ADGB: variants seen among roughly 807,000 people sequenced by gnomAD.
ADGB encodes the protein androglobin.
In ADGB, 172 loss-of-function variants were observed where a neutral mutation model predicts 210.5. The ratio of observed to expected loss-of-function variants is 0.82; its 90% confidence interval spans 0.72 to 0.93. The LOEUF (loss-of-function observed/expected upper bound fraction) is 0.93, where lower values mean the gene tolerates loss of function less well. ADGB is among the 40% of genes least tolerant of loss of function. The pLI is 0.00. For missense variants in ADGB, 2,025 were observed against 1,964.8 expected (o/e 1.03, Z -0.58); for synonymous variants, 658 against 662.7 (o/e 0.99, Z 0.11).
At chr6:146,756,422 T>C (rs1395337186) in intron 27 of ADGB, among the ~76,000 whole-genome samples, 2 of 152,122 alleles carry the variant, frequency 1.3e-5, no homozygotes, top group Non-Finnish European at 2.9e-5. Context: ...GGAGTACAGT[T>C]CAGGCTGTGA....
intron 29 of ADGB, among the ~76,000 whole-genome samples, chr6:146,774,112 T>C (rs1289563911): frequency 1.3e-5 from 2 of 152,190 alleles, no homozygotes; most frequent in African/African-American, 2.4e-5. Context: ...GAGAGATGTC[T>C]TTATCTATAT....
chr6:146,725,913 G>C lies in ADGB; in HGVS notation c.2238-170G>C, dbSNP rs1409734266. The C allele has an allele frequency of 8.4e-6, 4 of 478,104 alleles. No individual in the cohort carries two copies. In the South Asian group the frequency reaches 1.3e-4, roughly 15 times the overall value. The allele number at this position is 478,104 out of a possible 1,614,324, so 29.6% of individuals were successfully genotyped here. The stretch of plus-strand genomic sequence containing the variant: ...AAGCGTAGATTTCATGATCCCGTAG[G>C]GTTCTTATAGAGTGCAAATTCAAAG... On this transcript the variant is annotated intron_variant, in intron 18 of 35. Coordinates refer to ENST00000397944, the MANE Select transcript of ADGB (RefSeq NM_024694.4).
At chr6:146,785,746 G>A (rs1215384128) in intron 32 of ADGB, 34 bp downstream of exon 32, 2 of 1,450,116 alleles carry the variant, frequency 1.4e-6, no homozygotes, top group East Asian at 2.5e-5. Flanking sequence ...CTGCCTCAGA[G>A]CACAGAGCTG....
At chr6:146,662,355 T>G (rs940041527) in intron 5 of ADGB, among the ~76,000 whole-genome samples, 1 of 152,276 alleles carries the variant, frequency 6.6e-6, no homozygotes, top group South Asian at 2.1e-4. Context: ...ATTCGTAATT[T>G]CTATTGATCT....
At chr6:146,807,510 G>T in intron 35 of ADGB, 1 of 1,551,536 alleles carries the variant, frequency 6.4e-7, no homozygotes, top group Non-Finnish European at 8.7e-7. Context: ...TGCTCAGGAA[G>T]CCGCCATGAA....
At chr6:146,747,614 C>T (rs1158967079) in intron 26 of ADGB, among the ~76,000 whole-genome samples, 1 of 152,058 alleles carries the variant, frequency 6.6e-6, no homozygotes, top group Non-Finnish European at 1.5e-5. Context: ...CAAAAGCTTT[C>T]TGAGAAGAGC....
chr6:146,693,274 C>T (rs1221264092), intron 12 of ADGB, among the ~76,000 whole-genome samples: 3 of 152,078 alleles, frequency 2.0e-5, no homozygotes, highest in Non-Finnish European at 4.4e-5. Context: ...GGGTACTGAT[C>T]TGAGAGGATT....
chr6:146,640,893 G>A (rs925588454), intron 2 of ADGB, among the ~76,000 whole-genome samples: 6 of 151,914 alleles, frequency 3.9e-5, no homozygotes, highest in African/African-American at 1.4e-4. Context: ...ATTTAACATA[G>A]TATTGGAAGT....
At chr6:146,703,871 T>C (rs2114548150) in intron 13 of ADGB, among the ~76,000 whole-genome samples, 1 of 152,060 alleles carries the variant, frequency 6.6e-6, no homozygotes, top group Admixed American at 6.6e-5. Context: ...TTTTTAGTTT[T>C]TTTTTTTCAA....
At chr6:146,655,936 T>C (rs377329222) in intron 4 of ADGB, among the ~76,000 whole-genome samples, 4 of 152,256 alleles carry the variant, frequency 2.6e-5, no homozygotes, top group African/African-American at 9.6e-5. Flanking sequence ...AAACATGAGA[T>C]GAATAATTCA....
At chr6:146,787,119 G>C (rs896865502) in intron 32 of ADGB, among the ~76,000 whole-genome samples, 29 of 152,270 alleles carry the variant, frequency 1.9e-4, no homozygotes, top group African/African-American at 7.0e-4. Flanking sequence ...TAAAACTGGG[G>C]TCAGCAGGCC....
At chr6:146,764,719 G>T (rs921044750) in intron 28 of ADGB, among the ~76,000 whole-genome samples, 1 of 152,194 alleles carries the variant, frequency 6.6e-6, no homozygotes, top group Non-Finnish European at 1.5e-5. Context: ...ACAAACTGCT[G>T]TAGAAAGTTT....
intron 5 of ADGB, among the ~76,000 whole-genome samples, chr6:146,659,705 G>C (rs1775829635): frequency 6.6e-6 from 1 of 152,156 alleles, no homozygotes; most frequent in Admixed American, 6.5e-5. Context: ...ATTAAGAACA[G>C]GGTTGTGACA....
In ADGB at chr6:146,635,496, G is replaced by T. The variant is rs1206499239; in HGVS notation, c.196G>T (p.Gly66Cys). Reference protein sequence around the residue: ...INSEKWDAGKGAKEKDKTGKS... With the variant: ...INSEKWDAGKCAKEKDKTGKS... ...TTCAGAAAAGTGGGATGCAGGCAAA[G>T]GTGCAAAAGAAAAGGACAAAACAGG... is the stretch of plus-strand genomic sequence containing the variant. Residue 66 changes from glycine to cysteine, a missense_variant, in exon 2 of 36, where the codon GGT (glycine) becomes TGT (cysteine). Physicochemically the swap from Gly to Cys is radical, Grantham distance 159. Coordinates refer to ENST00000397944, the MANE Select transcript of ADGB (RefSeq NM_024694.4). The T allele has an allele frequency of 2.6e-6, 4 of 1,547,958 alleles. No individual in the cohort carries two copies. Among genetic ancestry groups the T allele is most frequent in the South Asian group, 2.4e-5 (2 of 83,586 alleles).
In ADGB at chr6:146,758,457, T is replaced by C. The variant is rs190274987; in HGVS notation, c.3551-5444T>C. ...AAATTCTTGCAGGTAACACTGTTTATAGTTTGTCATCTAGTTTAATCATTA... is the reference window on the plus strand; with the variant it reads ...AAATTCTTGCAGGTAACACTGTTTACAGTTTGTCATCTAGTTTAATCATTA... On this transcript the variant is annotated intron_variant, in intron 27 of 35. Coordinates refer to ENST00000397944, the MANE Select transcript of ADGB (RefSeq NM_024694.4). Among the ~76,000 whole-genome samples, 3 of 152,196 alleles carry C rather than the reference T, an allele frequency of 2.0e-5. No homozygotes were observed. The East Asian group carries it at 5.8e-4, about 29-fold the overall frequency.
At chr6:146,703,650 G>A (rs1776526041) in intron 13 of ADGB, among the ~76,000 whole-genome samples, 2 of 151,764 alleles carry the variant, frequency 1.3e-5, no homozygotes, top group Admixed American at 1.3e-4. Flanking sequence ...CTTTTTAAAG[G>A]CTGAATAGTA....
chr6:146,684,034 C>T (rs1776190602), intron 9 of ADGB, among the ~76,000 whole-genome samples: 1 of 152,046 alleles, frequency 6.6e-6, no homozygotes, highest in East Asian at 1.9e-4. Context: ...GGTGCCCAGA[C>T]ATTTGGTCAA....
At chr6:146,639,477 C>T (rs961713826) in intron 2 of ADGB, among the ~76,000 whole-genome samples, 5 of 151,938 alleles carry the variant, frequency 3.3e-5, no homozygotes, top group Non-Finnish European at 7.4e-5. Flanking sequence ...TACAAAGATG[C>T]TTTCTCTCAC....
intron 5 of ADGB, among the ~76,000 whole-genome samples, chr6:146,658,185 T>C (rs968932207): frequency 6.6e-6 from 1 of 152,144 alleles, no homozygotes; most frequent in Non-Finnish European, 1.5e-5. Context: ...AAAGGTAATA[T>C]AGCTTCTAAT....
Sources: gnomAD v4.1 joint callset for allele counts (sites outside exome capture counted in the v4.1 genomes callset) on GRCh38, gnomAD v4.1.1 for gene constraint, MANE v1.5 for transcripts, NCBI Gene and HGNC (gene_info 2026-07-23, HGNC 2026-07-21) for gene names.